KLHL29: variants seen among roughly 807,000 people sequenced by gnomAD.
KLHL29 encodes the protein kelch like family member 29, also known as kelch-like protein 29.
A neutral mutation model predicts 80.4 loss-of-function variants in KLHL29; 21 were observed. That is an observed-to-expected ratio of 0.26 (90% CI 0.19 to 0.38). KLHL29 has a LOEUF of 0.38. Ranked by LOEUF, KLHL29 falls within the 10% of genes least tolerant of loss-of-function variation. KLHL29 has a pLI of 1.00. For synonymous variants in KLHL29, 511 were observed against 526.8 expected (o/e 0.97, Z 0.41); for missense variants, 867 against 1,223.9 (o/e 0.71, Z 4.35).
At chr2:23,613,688 C>T (rs890444497) in intron 3 of KLHL29, among the ~76,000 whole-genome samples, 3 of 137,262 alleles carry the variant, frequency 2.2e-5, no homozygotes, top group Non-Finnish European at 3.0e-5. Flanking sequence ...CGTTTGAACC[C>T]GGGAGGTGGA....
chr2:23,523,805 G>A (rs1666188285), intron 2 of KLHL29: 4 of 338,364 alleles, frequency 1.2e-5, no homozygotes, highest in South Asian at 4.8e-5. Context: ...GGCCAAGCCT[G>A]CCAGCCGGCC....
In KLHL29 at chr2:23,680,908, C is replaced by G. The variant is rs1037484939; in HGVS notation, c.941-3491C>G. Among the ~76,000 whole-genome samples the G allele has an allele frequency of 2.0e-5, 3 of 152,192 alleles. No individual in the cohort carries two copies. The highest frequency in any genetic ancestry group is 4.1e-4 in the South Asian group (2 of 4,828). On this transcript the variant is annotated intron_variant, in intron 5 of 13. Coordinates refer to ENST00000486442, the MANE Select transcript of KLHL29 (RefSeq NM_052920.2). This position sits in a 1 kb window ranked among gnomAD's most constrained non-coding sequence, Gnocchi z 4.1. ...GAAGTCCACTCTGAAGACCCAGCCC[C>G]GAGGCCTGCAAATCTCCCACACCTG...
At chr2:23,430,585 A>T (rs1166112836) in intron 1 of KLHL29, among the ~76,000 whole-genome samples, 1 of 152,162 alleles carries the variant, frequency 6.6e-6, no homozygotes, top group Non-Finnish European at 1.5e-5. Flanking sequence ...GCCTGAGATC[A>T]TTACATCAGT....
At chr2:23,461,499 G>A (rs548107921) in intron 1 of KLHL29, among the ~76,000 whole-genome samples, 4 of 152,176 alleles carry the variant, frequency 2.6e-5, no homozygotes, top group African/African-American at 4.8e-5. Context: ...GAGTTCTCGC[G>A]TAGCTGTTAA....
intron 1 of KLHL29, among the ~76,000 whole-genome samples, chr2:23,421,855 G>A (rs1344315817): frequency 6.6e-6 from 1 of 151,852 alleles, no homozygotes; most frequent in African/African-American, 2.4e-5. Context: ...AGGTCTGTGT[G>A]TGAATGTGTA....
chr2:23,599,147 A>G (rs1057260142), intron 3 of KLHL29, among the ~76,000 whole-genome samples: 15 of 152,240 alleles, frequency 9.9e-5, no homozygotes, highest in Non-Finnish European at 2.1e-4. Flanking sequence ...AGATAAATGC[A>G]TGTCCCGCAG....
intron 1 of KLHL29, among the ~76,000 whole-genome samples, chr2:23,386,653 C>G (rs1054097942): frequency 3.9e-5 from 6 of 152,086 alleles, no homozygotes; most frequent in Non-Finnish European, 5.9e-5. Flanking sequence ...GCTCGCGTCC[C>G]GGTCTCCGTG....
intron 2 of KLHL29, among the ~76,000 whole-genome samples, chr2:23,532,963 G>A (rs556340957): frequency 6.6e-6 from 1 of 152,244 alleles, no homozygotes; most frequent in South Asian, 2.1e-4. Flanking sequence ...CCTGGGGGCC[G>A]AGGGGAGGGT....
intron 3 of KLHL29, among the ~76,000 whole-genome samples, chr2:23,618,660 G>C (rs775267395): frequency 6.6e-6 from 1 of 152,036 alleles, no homozygotes; most frequent in Non-Finnish European, 1.5e-5. Flanking sequence ...GGGACTTCTC[G>C]GCCTCCATGG....
chr2:23,454,687 G>A (rs1031132901), intron 1 of KLHL29, among the ~76,000 whole-genome samples: 3 of 152,118 alleles, frequency 2.0e-5, no homozygotes, highest in South Asian at 2.1e-4. Flanking sequence ...ACAGTCTCTC[G>A]TGACTGCTAA....
intron 5 of KLHL29, among the ~76,000 whole-genome samples, chr2:23,664,293 A>G (rs1477796242): frequency 1.3e-5 from 2 of 152,226 alleles, no homozygotes; most frequent in Non-Finnish European, 2.9e-5. Context: ...ACTTTCCAGC[A>G]CACTGGGGCA....
At chr2:23,594,284 A>G (rs974783327) in intron 3 of KLHL29, among the ~76,000 whole-genome samples, 1 of 152,072 alleles carries the variant, frequency 6.6e-6, no homozygotes, top group Non-Finnish European at 1.5e-5. Context: ...TCAGAGGTGG[A>G]GGTGTCACCA....
chr2:23,623,327 G>T (rs572230407), intron 3 of KLHL29, among the ~76,000 whole-genome samples: 1 of 152,296 alleles, frequency 6.6e-6, no homozygotes, highest in South Asian at 2.1e-4. Context: ...ATGCACCCAG[G>T]TTTACACGTT....
chr2:23,655,674 G>T (rs1670224611), intron 5 of KLHL29, among the ~76,000 whole-genome samples: 1 of 152,160 alleles, frequency 6.6e-6, no homozygotes, highest in Non-Finnish European at 1.5e-5. Flanking sequence ...CCTACCTCAG[G>T]ATCAGTTAGC....
intron 5 of KLHL29, among the ~76,000 whole-genome samples, chr2:23,657,365 T>G (rs534260067): frequency 2.9e-4 from 44 of 152,346 alleles, no homozygotes; most frequent in African/African-American, 1.0e-3. Context: ...ACTTCTTTAC[T>G]GTTCTTATTG....
Position 23,391,016 on chromosome 2 carries a change from C to G in KLHL29, c.-154+5236C>G, listed in dbSNP as rs1046366579. Among the ~76,000 whole-genome samples, 9 of 152,340 alleles carry G rather than the reference C, an allele frequency of 5.9e-5. No homozygotes were observed. In the East Asian group the frequency reaches 1.5e-3, roughly 26 times the overall value. On this transcript the variant is annotated intron_variant, in intron 1 of 13. Transcript: ENST00000486442. ...GCAAGCTCCAGAACCCTTCGTCTTGCAGAACTGAAAGTCTATACCCGTTAA... is the reference window on the plus strand; with the variant it reads ...GCAAGCTCCAGAACCCTTCGTCTTGGAGAACTGAAAGTCTATACCCGTTAA...
At chr2:23,395,697 A>G (rs1666435640) in intron 1 of KLHL29, among the ~76,000 whole-genome samples, 1 of 151,932 alleles carries the variant, frequency 6.6e-6, no homozygotes, top group Admixed American at 6.6e-5. Context: ...GTGAGCTGAG[A>G]TCGCAACACT....
rs1049987583 is a variant in KLHL29 at position 23,696,086 on chromosome 2, G to A, written c.1877G>A (p.Arg626His). Reference protein sequence around the residue: ...YPLASLPFYDREFFSVVSAGD... With the variant: ...YPLASLPFYDHEFFSVVSAGD... ...TTGGCCTCGCTGCCCTTCTATGACC[G>A]CGAGTTCTTCAGTGTAGTGAGTGCA... The change falls in exon 10 of 14, where the codon CGC becomes CAC. Residue 626 changes from arginine (R) to histidine (H), a missense_variant. Arg to His is a conservative substitution (Grantham distance 29, BLOSUM62 0). Coordinates refer to ENST00000486442, the MANE Select transcript of KLHL29 (RefSeq NM_052920.2). This position sits in a 1 kb window ranked among gnomAD's most constrained non-coding sequence, Gnocchi z 5.5. 9.7e-6 allele frequency: 15 copies of A among 1,551,802 alleles called. 1 individual carries two copies. Among genetic ancestry groups the A allele is most frequent in the Admixed American group, 2.0e-5 (1 of 51,004 alleles).
chr2:23,631,636 C>T (rs920780523), intron 3 of KLHL29, among the ~76,000 whole-genome samples: 7 of 152,134 alleles, frequency 4.6e-5, no homozygotes, highest in African/African-American at 7.2e-5. Flanking sequence ...CCTGGCCCCG[C>T]GTAGGGATTT....
Sources: allele counts gnomAD v4.1 joint callset (sites outside exome capture counted in the v4.1 genomes callset), GRCh38; gene constraint gnomAD v4.1.1; non-coding constraint Gnocchi (gnomAD v3.1); transcripts MANE v1.5; gene names NCBI Gene and HGNC (gene_info 2026-07-23, HGNC 2026-07-21).